Variants in GLIS3 observed in about 807,000 individuals in gnomAD.
GLIS3 encodes GLIS family zinc finger 3.
Under a neutral mutation model 78.6 loss-of-function variants are expected in GLIS3, and 53 were observed. The ratio of observed to expected loss-of-function variants is 0.67; its 90% confidence interval spans 0.54 to 0.85. The LOEUF (loss-of-function observed/expected upper bound fraction) is 0.85. GLIS3 is among the 40% of genes least tolerant of loss of function. The pLI is 0.00. For synonymous variants in GLIS3, 684 were observed against 509.9 expected (o/e 1.34, Z -4.60); for missense variants, 1,703 against 1,231.1 (o/e 1.38, Z -5.74).
At chr9:4,473,613 G>A in the GLIS3 span, among the ~76,000 whole-genome samples, 2 of 152,060 alleles carry the variant, frequency 1.3e-5, no homozygotes, top group Admixed American at 6.6e-5. Flanking sequence ...ACACATAGAA[G>A]GGAACAGCAC....
At chr9:4,059,741 A>C (rs746183294) in intron 4 of GLIS3, among the ~76,000 whole-genome samples, 2 of 151,648 alleles carry the variant, frequency 1.3e-5, no homozygotes, top group Non-Finnish European at 2.9e-5. Context: ...GCACTTTGCC[A>C]GGGATGAAAG....
chr9:4,463,812 T>A, the GLIS3 span, among the ~76,000 whole-genome samples: 1 of 152,222 alleles, frequency 6.6e-6, no homozygotes, highest in African/African-American at 2.4e-5. Flanking sequence ...TCCAAGTTTT[T>A]TCATGGTGAC....
At chr9:4,084,917 A>C (rs1422091459) in intron 4 of GLIS3, among the ~76,000 whole-genome samples, 1 of 151,828 alleles carries the variant, frequency 6.6e-6, no homozygotes, top group Non-Finnish European at 1.5e-5. Flanking sequence ...GATGCAGGTC[A>C]AAAAGACGCA....
chr9:3,932,757 T>C (rs1260368564), intron 5 of GLIS3: 2 of 430,568 alleles, frequency 4.6e-6, no homozygotes, highest in Admixed American at 6.3e-5. Flanking sequence ...CATTTTTTAA[T>C]GTGGAAATTA....
At chr9:4,339,186 C>A (rs1211418418) in intron 2 of GLIS3, among the ~76,000 whole-genome samples, 1 of 152,112 alleles carries the variant, frequency 6.6e-6, no homozygotes, top group East Asian at 1.9e-4. Context: ...GAATTCTGTC[C>A]CCAGGTGTGT....
At chr9:4,261,644 CCT>C (rs1825538734) in intron 2 of GLIS3, among the ~76,000 whole-genome samples, 2 of 152,140 alleles carry the variant, frequency 1.3e-5, no homozygotes, top group Admixed American at 6.5e-5. Context: ...TTAGAATGCC[CCT>C]GAGCGAATGG....
the GLIS3 span, among the ~76,000 whole-genome samples, chr9:4,475,742 A>T: frequency 6.6e-6 from 1 of 152,164 alleles, no homozygotes; most frequent in Admixed American, 6.6e-5. Flanking sequence ...AAGGGAGGGG[A>T]ATATGAATAT....
At chr9:4,418,645 G>A in the GLIS3 span, among the ~76,000 whole-genome samples, 1 of 152,068 alleles carries the variant, frequency 6.6e-6, no homozygotes, top group Admixed American at 6.5e-5. Context: ...GTTGCAGTGA[G>A]CCGAGATCAC....
Position 4,118,128 on chromosome 9 carries a change from A to G in GLIS3, c.1350T>C (p.Pro450=), listed in dbSNP as rs776118826. Residue 450 remains proline (P), a synonymous_variant, in exon 4 of 11, where the codon CCT becomes CCC. Transcript: ENST00000381971. The surrounding 1 kb of genome is among the most constrained non-coding windows in gnomAD (Gnocchi z 4.7). ...GGGGGCCTGGGGGCGGCGGCAGAGG[A>G]GGGAGCGGAGGCGCGGGGGGTAGGT... The part of the protein sequence containing the change: ...TVDLPPAPPL[P]PLPPPPGPPP... 7 of 1,544,712 alleles carry G rather than the reference A, an allele frequency of 4.5e-6. 1 individual carries two copies. The highest frequency in any genetic ancestry group is 3.8e-5 in the Admixed American group (2 of 53,324).
chr9:3,989,246 T>C (rs1032917043), intron 4 of GLIS3, among the ~76,000 whole-genome samples: 2 of 152,040 alleles, frequency 1.3e-5, no homozygotes, highest in South Asian at 4.1e-4. Flanking sequence ...AGAGTGACAA[T>C]ACCAAATACT....
chr9:4,282,750 T>TACAC (rs5896057), intron 2 of GLIS3, among the ~76,000 whole-genome samples: 19 of 151,966 alleles, frequency 1.3e-4, no homozygotes, highest in East Asian at 3.9e-4. Flanking sequence ...TTTATATATA[T>TACAC]ACACACACAC....
At chr9:4,127,017 C>A (rs1409919400) in intron 2 of GLIS3, among the ~76,000 whole-genome samples, 5 of 152,126 alleles carry the variant, frequency 3.3e-5, no homozygotes, top group African/African-American at 9.7e-5. Flanking sequence ...AAATCAATAG[C>A]CCAAAAGTGC....
At chr9:3,951,782 G>A (rs1178270450) in intron 4 of GLIS3, among the ~76,000 whole-genome samples, 1 of 150,832 alleles carries the variant, frequency 6.6e-6, no homozygotes, top group South Asian at 2.1e-4. Flanking sequence ...TGAAATGACT[G>A]AGATGGAAAA....
At chr9:4,289,638 A>C (rs1828282805) in intron 1 of GLIS3, among the ~76,000 whole-genome samples, 1 of 151,994 alleles carries the variant, frequency 6.6e-6, no homozygotes, top group Non-Finnish European at 1.5e-5. Context: ...CCATCGAACT[A>C]CTCTACCCCA....
chr9:4,087,471 C>T (rs1169169027), intron 4 of GLIS3, among the ~76,000 whole-genome samples: 2 of 152,100 alleles, frequency 1.3e-5, no homozygotes, highest in African/African-American at 2.4e-5. Context: ...TCGGCAATTT[C>T]CTGATAGATC....
intron 6 of GLIS3, among the ~76,000 whole-genome samples, chr9:3,915,475 G>A (rs1402452379): frequency 6.6e-6 from 1 of 152,088 alleles, no homozygotes; most frequent in African/African-American, 2.4e-5. Flanking sequence ...TCAAGAGGAG[G>A]CATCAGGAAC....
intron 6 of GLIS3, among the ~76,000 whole-genome samples, chr9:3,922,265 C>T (rs1824940951): frequency 6.6e-6 from 1 of 152,090 alleles, no homozygotes; most frequent in South Asian, 2.1e-4. Flanking sequence ...CTATATACCA[C>T]TTAGAAGAAT....
chr9:4,181,603 G>C (rs1371058785), intron 2 of GLIS3, among the ~76,000 whole-genome samples: 1 of 152,220 alleles, frequency 6.6e-6, no homozygotes, highest in Non-Finnish European at 1.5e-5. Flanking sequence ...GTACTGTACA[G>C]TCTGCCATGC....
At chr9:4,062,187 C>G (rs1321787901) in intron 4 of GLIS3, among the ~76,000 whole-genome samples, 1 of 152,160 alleles carries the variant, frequency 6.6e-6, no homozygotes, top group Non-Finnish European at 1.5e-5. Flanking sequence ...AATGCACAGT[C>G]ATATTAAAAT....
Sources: allele counts gnomAD v4.1 joint callset (sites outside exome capture counted in the v4.1 genomes callset), GRCh38; gene constraint gnomAD v4.1.1; non-coding constraint Gnocchi (gnomAD v3.1); transcripts MANE v1.5; gene names NCBI Gene and HGNC (gene_info 2026-07-23, HGNC 2026-07-21).